Variants in ZMIZ2 observed in about 807,000 individuals in gnomAD.
ZMIZ2 encodes the protein zinc finger MIZ domain-containing protein 2.
ZMIZ2 carries 26 observed loss-of-function variants against 93.9 expected under a neutral mutation model. The ratio of observed to expected loss-of-function variants is 0.28; its 90% CI spans 0.20 to 0.38. The LOEUF is 0.38. Among genes scored for constraint, ZMIZ2 ranks in the 10% least tolerant of loss-of-function variants. The probability of loss-of-function intolerance (pLI) is 1.00; values close to 1 mark genes in which losing one functional copy is unlikely to be tolerated. For missense variants in ZMIZ2, 1,023 were observed against 1,235.0 expected (o/e 0.83, Z 2.57); for synonymous variants, 485 against 516.4 (o/e 0.94, Z 0.82).
At position 44,764,993 on chromosome 7, in the gene ZMIZ2, C is replaced by T. The variant is rs777884033; in HGVS notation, c.1981C>T (p.Leu661=). ...GGTGGACCAGTACATGCTGGGCATC[C>T]TGATTTACATTCAGAAGTAAGCATC... ...LEVDQYMLGI[L]IYIQNSDYEE... Residue 661 remains leucine, a synonymous_variant, in exon 15 of 19, where the codon CTG becomes TTG. Coordinates refer to ENST00000309315, the MANE Select transcript of ZMIZ2 (RefSeq NM_031449.4). The T allele has an allele frequency of 1.4e-5, 23 of 1,614,092 alleles. No individual in the cohort carries two copies. Among genetic ancestry groups the T allele is most frequent in the Non-Finnish European group, 1.7e-5 (20 of 1,180,042 alleles).
Position 44,765,767 on chromosome 7 carries a change from C to T in ZMIZ2, c.2242+188C>T. 1 of 1,058,058 alleles carries T rather than the reference C, an allele frequency of 9.5e-7. No individual in the cohort carries two copies. The highest frequency in any genetic ancestry group is 1.3e-6 in the Non-Finnish European group (1 of 754,702). 65.5% of individuals were successfully genotyped at this position (1,058,058 alleles called of 1,614,324 possible). Reference sequence around the variant, plus strand: ...CATCTCAGGGACGTGGCGGTGAAGGCACAGTCTCAGCTATGGTCCCAGGAA... The same window carrying T: ...CATCTCAGGGACGTGGCGGTGAAGGTACAGTCTCAGCTATGGTCCCAGGAA... On this transcript the variant is annotated intron_variant, in intron 16 of 18. Transcript: ENST00000309315. This position sits in a 1 kb window ranked among gnomAD's most constrained non-coding sequence, Gnocchi z 4.1.
At chr7:44,749,482 G>A (rs1186716495) in intron 1 of ZMIZ2, among the ~76,000 whole-genome samples, 2 of 152,216 alleles carry the variant, frequency 1.3e-5, no homozygotes, top group Admixed American at 6.5e-5. Context: ...CCTGCTCGCG[G>A]AGGAGCTGTT....
At position 44,763,073 on chromosome 7, in the gene ZMIZ2, T is replaced by C; in HGVS notation, c.1702+87T>C. 6.8e-7 allele frequency: 1 copy of C among 1,469,104 alleles called. No homozygotes were observed. The highest frequency in any genetic ancestry group is 1.2e-5 in the South Asian group (1 of 81,378). The allele number at this position is 1,469,104 out of a possible 1,614,324, so 91.0% of individuals were successfully genotyped here. A position where few individuals can be genotyped will look rare whatever the true frequency, so the allele number is the denominator to read the frequency against. ...AACAATCCTCCTTGTGGGCACCTCC[T>C]CGTGTCACACCAGGCCTTCTCCTTG... is the stretch of plus-strand genomic sequence containing the variant. On this transcript the variant is annotated intron_variant, in intron 12 of 18. Coordinates refer to ENST00000309315, the MANE Select transcript of ZMIZ2 (RefSeq NM_031449.4). The surrounding 1 kb of genome is among the most constrained non-coding windows in gnomAD (Gnocchi z 5.6).
chr7:44,756,903 C>T (rs549435794), intron 3 of ZMIZ2, 44 bp from the exon 4 acceptor site: 160 of 1,607,770 alleles, frequency 1.0e-4, no homozygotes, highest in East Asian at 1.3e-4. Context: ...GCATGAAGCA[C>T]GTTGTTTGGC....
rs1467271090 is a variant in ZMIZ2, at chr7:44,767,959, T to C, written c.*336T>C. The C allele has an allele frequency of 1.3e-5, 5 of 381,354 alleles. No individual in the cohort carries two copies. In the East Asian group the frequency reaches 3.1e-4, roughly 23 times the overall value. 23.6% of individuals were successfully genotyped at this position (381,354 alleles called of 1,614,324 possible). ...GGTCTCACAGCCTCACACCTTGTCC[T>C]TCCACCCCTGCCTGCCCCCACCCAG... On this transcript the variant is annotated 3_prime_UTR_variant, in exon 19 of 19. Coordinates refer to ENST00000309315, the MANE Select transcript of ZMIZ2 (RefSeq NM_031449.4).
chr7:44,760,849 A>T (rs1364345977), intron 9 of ZMIZ2, among the ~76,000 whole-genome samples: 3 of 22,330 alleles, frequency 1.3e-4, no homozygotes, highest in Non-Finnish European at 2.4e-4. Context: ...ACCCTGTCTT[A>T]AAAAAAAAAA....
In ZMIZ2 at chr7:44,765,422, G is replaced by A. The variant is rs373008599; in HGVS notation, c.2085G>A (p.Pro695=). ...CTGACATGCACATCAAGGAGGAGCC[G>A]GATGGGCCAGCACTGAAGCGCTGCC... The part of the protein sequence containing the change: ...VKPDMHIKEE[P]DGPALKRCRT... The change falls in exon 16 of 19, where the codon CCG becomes CCA. Residue 695 remains proline, a synonymous_variant. Coordinates refer to ENST00000309315, the MANE Select transcript of ZMIZ2 (RefSeq NM_031449.4). This position sits in a 1 kb window ranked among gnomAD's most constrained non-coding sequence, Gnocchi z 4.1. The A allele has an allele frequency of 6.1e-5, 98 of 1,611,208 alleles. No homozygotes were observed. The highest frequency in any genetic ancestry group is 3.8e-4 in the Admixed American group (23 of 59,994).
rs187251357 is a variant in ZMIZ2, at chr7:44,753,613, G to A, written c.-62-2575G>A. ...ATGCAGCTTGCAAATATTTCTCCTG[G>A]CCTGTAACTTATCTTTTCATCCTCT... is the stretch of plus-strand genomic sequence containing the variant. On this transcript the variant is annotated intron_variant, in intron 1 of 18. Coordinates refer to ENST00000309315, the MANE Select transcript of ZMIZ2 (RefSeq NM_031449.4). Among the ~76,000 whole-genome samples, 28 of 152,264 alleles carry A rather than the reference G, an allele frequency of 1.8e-4. 1 individual carries two copies. Among genetic ancestry groups the A allele is most frequent in the South Asian group, 1.2e-3 (6 of 4,822 alleles).
In ZMIZ2 at chr7:44,763,152, C is replaced by T; in HGVS notation, c.1703-104C>T. The T allele has an allele frequency of 6.5e-7, 1 of 1,529,594 alleles. No homozygotes were observed. Among genetic ancestry groups the T allele is most frequent in the Non-Finnish European group, 8.9e-7 (1 of 1,123,780 alleles). 94.8% of individuals were successfully genotyped at this position (1,529,594 alleles called of 1,614,324 possible). A position where few individuals can be genotyped will look rare whatever the true frequency, so the allele number is the denominator to read the frequency against. ...GTTAGTTCCAGGTGGCCCCTCAGAG[C>T]TGTCAGTGGGTCAGTGACTGGGTCC... On this transcript the variant is annotated intron_variant, in intron 12 of 18. Coordinates refer to ENST00000309315, the MANE Select transcript of ZMIZ2 (RefSeq NM_031449.4). The surrounding 1 kb of genome is among the most constrained non-coding windows in gnomAD (Gnocchi z 5.6).
chr7:44,751,877 G>A (rs557074774), intron 1 of ZMIZ2, among the ~76,000 whole-genome samples: 61 of 152,022 alleles, frequency 4.0e-4, no homozygotes, highest in African/African-American at 1.4e-3. Context: ...CAGGAGAATC[G>A]CTTGAACCTG....
Position 44,765,907 on chromosome 7 carries a change from C to T in ZMIZ2, c.2243-257C>T, listed in dbSNP as rs1235815216. 28 of 1,395,850 alleles carry T rather than the reference C, an allele frequency of 2.0e-5. No homozygotes were observed. Among genetic ancestry groups the T allele is most frequent in the Middle Eastern group, 1.9e-4 (1 of 5,292 alleles). The allele number at this position is 1,395,850 out of a possible 1,614,324, so 86.5% of individuals were successfully genotyped here. On this transcript the variant is annotated intron_variant, in intron 16 of 18. Transcript: ENST00000309315. The surrounding 1 kb of genome is among the most constrained non-coding windows in gnomAD (Gnocchi z 4.1). ...CCCCCTCTGGGACCCACCTCACACG[C>T]GTGGTGCGTTTGTTTGTGGCTGCTC...
chr7:44,766,708 T>C lies in ZMIZ2; in HGVS notation c.2655+45T>C, dbSNP rs1033564619. On this transcript the variant is annotated intron_variant, in intron 18 of 18. Coordinates refer to ENST00000309315, the MANE Select transcript of ZMIZ2 (RefSeq NM_031449.4). The surrounding 1 kb of genome is among the most constrained non-coding windows in gnomAD (Gnocchi z 4.4). ...CGGGGGAGTGCGTGGGAGCCAGGGC[T>C]AGAGGTGGTGTGTCTGTTCCAGGTG... 9 of 1,603,606 alleles carry C rather than the reference T, an allele frequency of 5.6e-6. No individual in the cohort carries two copies. In the African/African-American group the frequency reaches 6.7e-5, roughly 12 times the overall value.
At chr7:44,760,006 T>C (rs1030959272) in intron 7 of ZMIZ2, 145 bp from the exon 8 acceptor site, 4 of 836,756 alleles carry the variant, frequency 4.8e-6, no homozygotes, top group African/African-American at 3.5e-5. Context: ...CTATGATTGC[T>C]TTAAGTAGTG....
At chr7:44,758,141 G>C in intron 6 of ZMIZ2, 33 bp downstream of exon 6, 1 of 1,503,330 alleles carries the variant, frequency 6.7e-7, no homozygotes. Context: ...TTGGGGCCTT[G>C]GGTACCAACT....
rs1791901799 is a variant in ZMIZ2 at position 44,768,245 on chromosome 7, C to A, written c.*622C>A. ...CTCGGGGTGGGGGAGCTACAAAGCA[C>A]AACAATGTACATAGTGTAGAAACAC... On this transcript the variant is annotated 3_prime_UTR_variant, in exon 19 of 19. Coordinates refer to ENST00000309315, the MANE Select transcript of ZMIZ2 (RefSeq NM_031449.4). 6.3e-6 allele frequency: 1 copy of A among 158,666 alleles called. No homozygotes were observed. Among genetic ancestry groups the A allele is most frequent in the Non-Finnish European group, 1.4e-5 (1 of 72,076 alleles). 9.8% of individuals were successfully genotyped at this position (158,666 alleles called of 1,614,324 possible).
intron 14 of ZMIZ2, 43 bp from the exon 15 acceptor site, chr7:44,764,898 G>A (rs774653939): frequency 3.7e-6 from 6 of 1,608,286 alleles, no homozygotes; most frequent in Admixed American, 3.3e-5. Flanking sequence ...CCAGGACAGG[G>A]TTGTGCAAGG....
At chr7:44,758,638 C>G (rs573572777) in intron 6 of ZMIZ2, among the ~76,000 whole-genome samples, 1 of 151,790 alleles carries the variant, frequency 6.6e-6, no homozygotes, top group East Asian at 1.9e-4. Flanking sequence ...TTAGGCCGGG[C>G]GCGGTGGCTC....
At chr7:44,752,333 G>A (rs1436826270) in intron 1 of ZMIZ2, among the ~76,000 whole-genome samples, 1 of 151,982 alleles carries the variant, frequency 6.6e-6, no homozygotes, top group African/African-American at 2.4e-5. Context: ...AGTAGAGTTG[G>A]GGTTTCACCA....
rs374203238 is a variant in ZMIZ2, at chr7:44,761,615, C to A, written c.1385+22C>A. 2.5e-6 allele frequency: 4 copies of A among 1,613,548 alleles called. No homozygotes were observed. Among genetic ancestry groups the A allele is most frequent in the Non-Finnish European group, 3.4e-6 (4 of 1,179,780 alleles). On this transcript the variant is annotated intron_variant, in intron 10 of 18. Coordinates refer to ENST00000309315, the MANE Select transcript of ZMIZ2 (RefSeq NM_031449.4). The surrounding 1 kb of genome is among the most constrained non-coding windows in gnomAD (Gnocchi z 5.8). ...TGAGGTGAGCTCCGCCTGGCCCCCA[C>A]CTGACCCCCACGAGGCTCTGTTCCT... is the stretch of plus-strand genomic sequence containing the variant.
Sources: gnomAD v4.1 joint callset for allele counts (sites outside exome capture counted in the v4.1 genomes callset) on GRCh38, gnomAD v4.1.1 for gene constraint, Gnocchi (gnomAD v3.1) non-coding constraint, MANE v1.5 for transcripts, NCBI Gene and HGNC (gene_info 2026-07-23, HGNC 2026-07-21) for gene names.